ST3GAL1: variants seen among roughly 807,000 people sequenced by gnomAD.
ST3GAL1 encodes CMP-N-acetylneuraminate-beta-galactosamide-alpha-2,3-sialyltransferase 1.
A neutral mutation model predicts 34.1 loss-of-function variants in ST3GAL1; 16 were observed. The observed-to-expected ratio is 0.47, with a 90% CI of 0.32 to 0.71. ST3GAL1 has a LOEUF of 0.71. Among genes scored for constraint, ST3GAL1 ranks in the 30% least tolerant of loss-of-function variants. ST3GAL1 has a pLI of 0.04. For synonymous variants in ST3GAL1, 191 were observed against 184.7 expected (o/e 1.03, Z -0.28); for missense variants, 353 against 447.4 (o/e 0.79, Z 1.90).
chr8:133,543,470 T>C (rs1563735668), intron 2 of ST3GAL1, among the ~76,000 whole-genome samples: 1 of 151,900 alleles, frequency 6.6e-6, no homozygotes, highest in Admixed American at 6.6e-5. Context: ...GGAAAAAATA[T>C]AGAGAAAAAA....
intron 1 of ST3GAL1, among the ~76,000 whole-genome samples, chr8:133,558,087 G>A (rs1819111312): frequency 6.6e-6 from 1 of 152,274 alleles, no homozygotes; most frequent in South Asian, 2.1e-4. Context: ...GCTCCAGGAA[G>A]CGCTCTCTGG....
chr8:133,493,020 G>C (rs552680580), intron 3 of ST3GAL1, among the ~76,000 whole-genome samples: 3 of 152,216 alleles, frequency 2.0e-5, no homozygotes, highest in Non-Finnish European at 4.4e-5. Flanking sequence ...CTCATGGCCA[G>C]AGGTGCTAGA....
At chr8:133,471,099 T>G (rs549665775) in intron 5 of ST3GAL1, among the ~76,000 whole-genome samples, 1 of 152,254 alleles carries the variant, frequency 6.6e-6, no homozygotes, top group South Asian at 2.1e-4. Context: ...GTCTCTGGCC[T>G]TCCACACATG....
intron 2 of ST3GAL1, among the ~76,000 whole-genome samples, chr8:133,536,999 G>C (rs1818331100): frequency 6.6e-6 from 1 of 152,090 alleles, no homozygotes; most frequent in African/African-American, 2.4e-5. Context: ...CCTGGAGACA[G>C]GGTCAGTTCC....
Position 133,455,010 on chromosome 8 carries a change from G to C in ST3GAL1, c.*4754C>G, listed in dbSNP as rs1346506717. On this transcript the variant is annotated 3_prime_UTR_variant, in exon 10 of 10. Coordinates refer to ENST00000522652, the MANE Select transcript of ST3GAL1 (RefSeq NM_173344.3). ...TGCGTAACGACATGGAGAGAGGCAG[G>C]GGGGAATAGAAAGCAAATTTAAAAA... is the stretch of plus-strand genomic sequence containing the variant. 1 of 152,216 alleles carries C rather than the reference G, an allele frequency of 6.6e-6. No individual in the cohort carries two copies. Among genetic ancestry groups the C allele is most frequent in the Admixed American group, 6.5e-5 (1 of 15,278 alleles). 9.4% of individuals were successfully genotyped at this position (152,216 alleles called of 1,614,324 possible). A position where few individuals can be genotyped will look rare whatever the true frequency, so the allele number is the denominator to read the frequency against.
chr8:133,516,772 C>T (rs539366734), intron 2 of ST3GAL1, among the ~76,000 whole-genome samples: 2 of 152,322 alleles, frequency 1.3e-5, no homozygotes, highest in East Asian at 3.9e-4. Context: ...ACTCTAAGCC[C>T]AGGTTTGTTT....
intron 3 of ST3GAL1, among the ~76,000 whole-genome samples, chr8:133,498,743 A>C (rs897698382): frequency 1.3e-5 from 2 of 152,198 alleles, no homozygotes; most frequent in African/African-American, 4.8e-5. Flanking sequence ...GGCACACAGC[A>C]CACGACGAGG....
intron 9 of ST3GAL1, among the ~76,000 whole-genome samples, chr8:133,460,367 G>C (rs1475649653): frequency 6.6e-6 from 1 of 152,294 alleles, no homozygotes; most frequent in East Asian, 1.9e-4. Context: ...GTGGTGCCCT[G>C]GGCATGTGAA....
chr8:133,516,631 A>C (rs1817656698), intron 2 of ST3GAL1, among the ~76,000 whole-genome samples: 1 of 152,212 alleles, frequency 6.6e-6, no homozygotes, highest in Admixed American at 6.5e-5. Context: ...TTTTCTTGGC[A>C]ATTTAGATCC....
chr8:133,504,941 G>T (rs369057259), intron 2 of ST3GAL1, among the ~76,000 whole-genome samples: 6 of 152,052 alleles, frequency 3.9e-5, no homozygotes, highest in Non-Finnish European at 7.4e-5. Flanking sequence ...GAGAATCCAC[G>T]ATCTCGAAGT....
chr8:133,475,659 C>CCCA, intron 5 of ST3GAL1, 60 bp downstream of exon 5: 2 of 1,481,900 alleles, frequency 1.3e-6, no homozygotes, highest in Non-Finnish European at 1.8e-6. Flanking sequence ...CAGCCCAGAC[C>CCCA]CCACTCTCAG....
At chr8:133,540,924 T>TATATAGACAC (rs1563734225) in intron 2 of ST3GAL1, among the ~76,000 whole-genome samples, 1 of 75,888 alleles carries the variant, frequency 1.3e-5, no homozygotes, top group African/African-American at 5.6e-5. Flanking sequence ...TATAGACATA[T>TATATAGACAC]ATATATAGAC....
At position 133,545,588 on chromosome 8, in the gene ST3GAL1, A is replaced by G. The variant is rs78173876; in HGVS notation, c.-429+186T>C. Among the ~76,000 whole-genome samples the G allele has an allele frequency of 8.3e-3, 1,264 of 152,298 alleles. 16 individuals carry two copies. Among genetic ancestry groups the G allele is most frequent in the African/African-American group, 0.028 (1,152 of 41,540 alleles). ...AGTCTGCATATTTCTCCTGAGGGAC[A>G]CTGTATTCCCCTTCCATGGGAACTC... On this transcript the variant is annotated intron_variant, in intron 2 of 9. Coordinates refer to ENST00000522652, the MANE Select transcript of ST3GAL1 (RefSeq NM_173344.3).
In ST3GAL1 at chr8:133,525,931, A is replaced by G. The variant is rs566022548; in HGVS notation, c.-429+19843T>C. ...GATGCCTGGGTCCAGAGCTGTGGCT[A>G]GGTAGCTGCAGCTGTGCCTGGGAGC... On this transcript the variant is annotated intron_variant, in intron 2 of 9. Coordinates refer to ENST00000522652, the MANE Select transcript of ST3GAL1 (RefSeq NM_173344.3). Among the ~76,000 whole-genome samples the G allele has an allele frequency of 1.7e-3, 265 of 152,262 alleles. 2 individuals carry two copies. The highest frequency in any genetic ancestry group is 5.7e-3 in the African/African-American group (238 of 41,554).
intron 2 of ST3GAL1, among the ~76,000 whole-genome samples, chr8:133,529,473 A>G (rs772628873): frequency 2.0e-5 from 3 of 152,188 alleles, no homozygotes; most frequent in Non-Finnish European, 4.4e-5. Context: ...GGAGGCAGAC[A>G]GGCAGACAGA....
intron 5 of ST3GAL1, among the ~76,000 whole-genome samples, chr8:133,470,207 G>A (rs1017908140): frequency 6.6e-6 from 1 of 152,154 alleles, no homozygotes; most frequent in Non-Finnish European, 1.5e-5. Context: ...GTCACCTGTG[G>A]TCAGGAGTTT....
intron 2 of ST3GAL1, among the ~76,000 whole-genome samples, chr8:133,507,281 C>T (rs746907155): frequency 6.6e-6 from 1 of 152,234 alleles, no homozygotes; most frequent in Admixed American, 6.5e-5. Flanking sequence ...CTTGACTTCC[C>T]TCTTTGCTCT....
intron 5 of ST3GAL1, among the ~76,000 whole-genome samples, chr8:133,473,169 G>A (rs952002621): frequency 6.6e-5 from 10 of 152,040 alleles, no homozygotes; most frequent in African/African-American, 1.7e-4. Flanking sequence ...TTTCCCTTAC[G>A]CCTTTTTAAC....
intron 3 of ST3GAL1, among the ~76,000 whole-genome samples, chr8:133,488,653 C>T (rs72718298): frequency 0.041 from 6,180 of 152,256 alleles, 132 homozygotes; most frequent in Middle Eastern, 0.068. Context: ...TTCAGTGCCA[C>T]GAGCAGAGGG....
Sources: allele counts gnomAD v4.1 joint callset (sites outside exome capture counted in the v4.1 genomes callset), GRCh38; gene constraint gnomAD v4.1.1; transcripts MANE v1.5; gene names NCBI Gene and HGNC (gene_info 2026-07-23, HGNC 2026-07-21).